The following RAPGEF5 variants were observed in gnomAD, a reference collection of about 807,000 sequenced individuals.
RAPGEF5 encodes M-Ras-regulated GEF.
A neutral mutation model predicts 125.2 loss-of-function variants in RAPGEF5; 65 were observed. The ratio of observed to expected loss-of-function variants is 0.52; its 90% CI spans 0.43 to 0.64. The LOEUF (loss-of-function observed/expected upper bound fraction) is 0.64. Among genes scored for constraint, RAPGEF5 ranks in the 30% least tolerant of loss-of-function variants. The pLI is 0.00. For synonymous variants in RAPGEF5, 391 were observed against 385.9 expected, an observed-to-expected ratio of 1.01 and a Z score of -0.16; for missense variants, 958 against 1,048.1, an observed-to-expected ratio of 0.91 and a Z score of 1.19.
At chr7:22,285,752 T>G (rs573695460) in intron 6 of RAPGEF5, among the ~76,000 whole-genome samples, 55 of 152,274 alleles carry the variant, frequency 3.6e-4, no homozygotes, top group African/African-American at 1.3e-3. Context: ...GACTGGCAAG[T>G]AAGATTTTAG....
At chr7:22,255,279 T>C (rs1010222774) in intron 7 of RAPGEF5, among the ~76,000 whole-genome samples, 9 of 152,140 alleles carry the variant, frequency 5.9e-5, no homozygotes, top group African/African-American at 1.9e-4. Flanking sequence ...AAAATAATAA[T>C]GTTTTTAAAA....
At chr7:22,193,746 G>T in intron 10 of RAPGEF5, 169 bp downstream of exon 10, 1 of 1,562,664 alleles carries the variant, frequency 6.4e-7, no homozygotes, top group South Asian at 1.2e-5. Flanking sequence ...GAGTCCATCT[G>T]GCTGCTAAGA....
intron 1 of RAPGEF5, among the ~76,000 whole-genome samples, chr7:22,335,654 T>C (rs1266561257): frequency 6.7e-6 from 1 of 149,356 alleles, no homozygotes; most frequent in African/African-American, 2.5e-5. Flanking sequence ...CAGACTGCCA[T>C]CTAGTTCTCC....
chr7:22,335,730 A>G, intron 1 of RAPGEF5, among the ~76,000 whole-genome samples: 1 of 147,422 alleles, frequency 6.8e-6, no homozygotes, highest in East Asian at 2.0e-4. Context: ...AACAACAACA[A>G]CGAAACTTCC....
intron 8 of RAPGEF5, among the ~76,000 whole-genome samples, chr7:22,224,861 A>T (rs1785881923): frequency 2.0e-5 from 3 of 147,356 alleles, no homozygotes; most frequent in African/African-American, 2.5e-5. Context: ...TAATCAGCTG[A>T]TTACAGCATC....
intron 1 of RAPGEF5, among the ~76,000 whole-genome samples, chr7:22,322,482 T>C (rs1004308640): frequency 5.9e-5 from 9 of 152,108 alleles, no homozygotes; most frequent in African/African-American, 2.2e-4. Flanking sequence ...CATTACTTAA[T>C]ACTTGAAAAA....
chr7:22,329,684 T>C (rs1210636511), intron 1 of RAPGEF5, among the ~76,000 whole-genome samples: 5 of 152,208 alleles, frequency 3.3e-5, no homozygotes, highest in African/African-American at 1.2e-4. Flanking sequence ...CATAGCTAGA[T>C]TGTTGTTTTT....
rs183469493 is a variant in RAPGEF5 at position 22,208,489 on chromosome 7, C to A, written c.996+11377G>T. Among the ~76,000 whole-genome samples the A allele has an allele frequency of 3.1e-3, 477 of 152,294 alleles. 1 individual carries two copies. The highest frequency in any genetic ancestry group is 6.8e-3 in the Middle Eastern group (2 of 294). ...TGGTGGAGAAACTGTCTGATCAGCTCAGCACAGATCATTAGGGATGATCAT... is the reference window on the plus strand; with the variant it reads ...TGGTGGAGAAACTGTCTGATCAGCTAAGCACAGATCATTAGGGATGATCAT... On this transcript the variant is annotated intron_variant, in intron 9 of 25. Coordinates refer to ENST00000665637, the MANE Select transcript of RAPGEF5 (RefSeq NM_012294.5).
At chr7:22,346,691 T>A (rs1293779745) in intron 1 of RAPGEF5, among the ~76,000 whole-genome samples, 2 of 152,182 alleles carry the variant, frequency 1.3e-5, no homozygotes, top group African/African-American at 4.8e-5. Flanking sequence ...TGAGTTTAAG[T>A]TGCTAGACCA....
At chr7:22,271,149 C>G (rs1372520985) in intron 6 of RAPGEF5, among the ~76,000 whole-genome samples, 1 of 152,142 alleles carries the variant, frequency 6.6e-6, no homozygotes, top group Non-Finnish European at 1.5e-5. Flanking sequence ...AGTTCTCAAA[C>G]TTGACTGCAC....
intron 5 of RAPGEF5, among the ~76,000 whole-genome samples, chr7:22,305,224 C>A (rs1302030284): frequency 6.6e-6 from 1 of 152,174 alleles, no homozygotes; most frequent in East Asian, 1.9e-4. Flanking sequence ...TGTCTTATAA[C>A]ATTCTTCTGA....
chr7:22,218,716 T>A (rs1785701815), intron 9 of RAPGEF5, among the ~76,000 whole-genome samples: 3 of 152,220 alleles, frequency 2.0e-5, no homozygotes, highest in Non-Finnish European at 4.4e-5. Context: ...AGGGTGCTTT[T>A]AACAACTTGA....
chr7:22,184,191 T>G (rs1267192056), intron 11 of RAPGEF5, among the ~76,000 whole-genome samples: 1 of 152,206 alleles, frequency 6.6e-6, no homozygotes. Context: ...TAAATAAATA[T>G]ACATATACAT....
At chr7:22,347,728 C>A (rs969710832) in intron 1 of RAPGEF5, among the ~76,000 whole-genome samples, 29 of 152,146 alleles carry the variant, frequency 1.9e-4, no homozygotes, top group African/African-American at 5.8e-4. Context: ...CCTCATTTTT[C>A]TCTTCGGGAA....
chr7:22,248,686 T>A lies in RAPGEF5; in HGVS notation c.797-17767A>T, dbSNP rs540318737. Among the ~76,000 whole-genome samples the A allele has an allele frequency of 2.6e-5, 4 of 152,318 alleles. 1 individual carries two copies. Among genetic ancestry groups the A allele is most frequent in the African/African-American group, 9.6e-5 (4 of 41,568 alleles). ...AGCTTGCTTTCTTAGGCATAAGTGA[T>A]AAACGCGTGTCTGCTCTGTAAGGCC... On this transcript the variant is annotated intron_variant, in intron 7 of 25. Transcript: ENST00000665637.
At chr7:22,319,226 C>G (rs559186143) in intron 1 of RAPGEF5, among the ~76,000 whole-genome samples, 2 of 152,152 alleles carry the variant, frequency 1.3e-5, no homozygotes, top group African/African-American at 4.8e-5. Context: ...CATCTCTATT[C>G]TAAGTCTTGC....
At chr7:22,226,667 G>A (rs1196006389) in intron 8 of RAPGEF5, among the ~76,000 whole-genome samples, 1 of 152,138 alleles carries the variant, frequency 6.6e-6, no homozygotes, top group Non-Finnish European at 1.5e-5. Flanking sequence ...GGAATCCCTA[G>A]GGAGTCACTG....
intron 12 of RAPGEF5, among the ~76,000 whole-genome samples, chr7:22,165,958 G>A (rs1326544385): frequency 6.6e-6 from 1 of 150,966 alleles, no homozygotes; most frequent in Non-Finnish European, 1.5e-5. Context: ...TGGGACCACA[G>A]GCGCATGCCA....
At chr7:22,264,315 C>T (rs545056930) in intron 7 of RAPGEF5, among the ~76,000 whole-genome samples, 3 of 152,170 alleles carry the variant, frequency 2.0e-5, no homozygotes, top group Non-Finnish European at 4.4e-5. Flanking sequence ...ATCATTAGTA[C>T]AAGTGTATGA....
Sources: gnomAD v4.1 joint callset for allele counts (sites outside exome capture counted in the v4.1 genomes callset) on GRCh38, gnomAD v4.1.1 for gene constraint, MANE v1.5 for transcripts, NCBI Gene and HGNC (gene_info 2026-07-23, HGNC 2026-07-21) for gene names.